FRMPD3: variants seen among roughly 807,000 people sequenced by gnomAD.
The protein encoded by FRMPD3 is FERM and PDZ domain-containing protein 3.
Under a neutral mutation model 97.9 loss-of-function variants are expected in FRMPD3, and 42 were observed. That is an observed-to-expected ratio of 0.43 (90% CI 0.34 to 0.55). The LOEUF is 0.55. FRMPD3 is among the 20% of genes least tolerant of loss of function. The pLI, the probability that FRMPD3 is intolerant of heterozygous loss-of-function variation, is 0.03. For synonymous variants in FRMPD3, 577 were observed against 581.1 expected, an observed-to-expected ratio of 0.99 and a Z score of 0.10; for missense variants, 1,303 against 1,457.7, an observed-to-expected ratio of 0.89 and a Z score of 1.73.
Position 107,511,938 on chromosome X carries a change from C to T in FRMPD3, c.-7-14644C>T, listed in dbSNP as rs138062477. Among the ~76,000 whole-genome samples the T allele has an allele frequency of 6.6e-3, 743 of 111,733 alleles. 6 individuals carry two copies. The highest frequency in any genetic ancestry group is 0.023 in the African/African-American group (712 of 30,792). On this transcript the variant is annotated intron_variant, in intron 1 of 14. Transcript: ENST00000683843. Reference sequence around the variant, plus strand: ...CACTGAGGGGAAGAATTCAGGCCTGCTGATCTTTTCCCTGCCAACTCCACT... The same window carrying T: ...CACTGAGGGGAAGAATTCAGGCCTGTTGATCTTTTCCCTGCCAACTCCACT...
At chrX:107,571,246 C>A (rs1309177050) in intron 12 of FRMPD3, among the ~76,000 whole-genome samples, 4 of 112,148 alleles carry the variant, frequency 3.6e-5, no homozygotes, top group Non-Finnish European at 7.5e-5. Flanking sequence ...TTACATTACA[C>A]GTCATGATCA....
Position 107,533,509 on chromosome X carries a change from G to A in FRMPD3, c.256G>A (p.Ala86Thr), listed in dbSNP as rs750260107. The A allele has an allele frequency of 4.1e-6, 5 of 1,207,213 alleles. No homozygotes were observed. The highest frequency in any genetic ancestry group is 1.8e-5 in the South Asian group (1 of 56,625). ...RERLIELIRS[A>T]KEFIVLTVLH... ...TATTCCCTCTTTTCTCTGTAGGAGCGCTAAGGAATTCATCGTTCTTACAGT... is the reference window on the plus strand; with the variant it reads ...TATTCCCTCTTTTCTCTGTAGGAGCACTAAGGAATTCATCGTTCTTACAGT... Residue 86 changes from alanine to threonine, a missense_variant, in exon 4 of 15, where the codon GCT becomes ACT. By Grantham distance (58) the Ala-to-Thr change is moderately conservative (BLOSUM62 0). This residue lies in a region of FRMPD3 where 535 missense variants were observed against 618.6 expected (regional missense o/e 0.86). Coordinates refer to ENST00000683843, the MANE Select transcript of FRMPD3 (RefSeq NM_001388459.1).
intron 5 of FRMPD3, among the ~76,000 whole-genome samples, chrX:107,548,062 C>G (rs1048878527): frequency 2.7e-5 from 3 of 111,488 alleles, no homozygotes; most frequent in Non-Finnish European, 5.6e-5. Context: ...TACCCCAACC[C>G]AGGAGGATTT....
chrX:107,530,649 T>C (rs1471586727), intron 3 of FRMPD3, 138 bp downstream of exon 3: 1 of 464,959 alleles, frequency 2.2e-6, no homozygotes, highest in Non-Finnish European at 3.7e-6. Context: ...GGCTCCTGGC[T>C]AACCCAGAAC....
intron 13 of FRMPD3, among the ~76,000 whole-genome samples, chrX:107,594,619 C>T (rs1188476082): frequency 4.4e-5 from 5 of 112,538 alleles, no homozygotes; most frequent in South Asian, 7.4e-4. Flanking sequence ...CGGTGGCTCA[C>T]GCCTATAATC....
At chrX:107,514,440 A>T (rs1431106336) in intron 1 of FRMPD3, among the ~76,000 whole-genome samples, 1 of 110,745 alleles carries the variant, frequency 9.0e-6, no homozygotes, top group Non-Finnish European at 1.9e-5. Context: ...CACAGGAGAG[A>T]TGATGGTGGC....
chrX:107,463,240 G>C (rs1931506681), intron 1 of FRMPD3, among the ~76,000 whole-genome samples: 1 of 112,598 alleles, frequency 8.9e-6, no homozygotes. Context: ...TTACCATTTT[G>C]TGTATTTCAT....
intron 13 of FRMPD3, among the ~76,000 whole-genome samples, chrX:107,597,092 TG>T (rs1435946760): frequency 9.0e-6 from 1 of 111,705 alleles, no homozygotes; most frequent in East Asian, 2.8e-4. Flanking sequence ...TCAGAGGTGA[TG>T]GGGCTATTAG....
intron 1 of FRMPD3, among the ~76,000 whole-genome samples, chrX:107,526,059 G>A (rs1602774234): frequency 9.0e-6 from 1 of 110,952 alleles, no homozygotes; most frequent in East Asian, 2.8e-4. Context: ...CTGGGTGACA[G>A]AGTGAGACTC....
At position 107,603,267 on chromosome X, in the gene FRMPD3, A is replaced by G. The variant is rs781343440; in HGVS notation, c.5228A>G (p.Gln1743Arg). 3.5e-5 allele frequency: 41 copies of G among 1,167,235 alleles called. No homozygotes were observed. In the South Asian group the frequency reaches 6.6e-4, roughly 19 times the overall value. The change falls in exon 15 of 15, where the codon CAG becomes CGG. Residue 1743 changes from glutamine to arginine, a missense_variant. Physicochemically the swap from Gln to Arg is conservative, Grantham distance 43. Coordinates refer to ENST00000683843, the MANE Select transcript of FRMPD3 (RefSeq NM_001388459.1). ...CAACAACAGCAGCAGCAGCAGCAGC[A>G]GGTGGCAGCAGCTGCAGGGGCAGCC... ...QQQQQQQQQQ[Q>R]VAAAAGAATE...
intron 1 of FRMPD3, among the ~76,000 whole-genome samples, chrX:107,514,675 G>A (rs1195639848): frequency 9.1e-6 from 1 of 109,655 alleles, no homozygotes; most frequent in Non-Finnish European, 1.9e-5. Flanking sequence ...ACAGGTGCGT[G>A]CCACCACGCT....
At chrX:107,528,079 T>C (rs763522740) in intron 2 of FRMPD3, among the ~76,000 whole-genome samples, 47 of 110,741 alleles carry the variant, frequency 4.2e-4, no homozygotes, top group Non-Finnish European at 7.0e-4. Flanking sequence ...GCCAAAGGTA[T>C]AACAATGAAG....
chrX:107,502,817 C>T (rs1162841115), intron 1 of FRMPD3, among the ~76,000 whole-genome samples: 1 of 112,599 alleles, frequency 8.9e-6, no homozygotes, highest in Non-Finnish European at 1.9e-5. Flanking sequence ...GGTGCACTGA[C>T]GAAGCAGTGT....
intron 1 of FRMPD3, among the ~76,000 whole-genome samples, chrX:107,514,159 G>A (rs1311988111): frequency 9.0e-6 from 1 of 111,588 alleles, no homozygotes; most frequent in Non-Finnish European, 1.9e-5. Flanking sequence ...ACTAAAAGGA[G>A]GCCAGGAGGG....
At chrX:107,575,425 G>A (rs5962853) in intron 12 of FRMPD3, among the ~76,000 whole-genome samples, 4,700 of 110,200 alleles carry the variant, frequency 0.043, 241 homozygotes, top group African/African-American at 0.15. Context: ...AGGACACAGG[G>A]AAATAAAGGA....
chrX:107,469,203 C>T (rs1356795078), intron 1 of FRMPD3, among the ~76,000 whole-genome samples: 1 of 111,795 alleles, frequency 8.9e-6, no homozygotes, highest in Admixed American at 9.5e-5. Flanking sequence ...CTGATAAAGG[C>T]ATACCTGAGA....
intron 5 of FRMPD3, among the ~76,000 whole-genome samples, chrX:107,546,442 G>T (rs1921604593): frequency 8.9e-6 from 1 of 112,121 alleles, no homozygotes; most frequent in African/African-American, 3.2e-5. Flanking sequence ...GGTTCAGATT[G>T]AGACAATACA....
intron 14 of FRMPD3, among the ~76,000 whole-genome samples, 160 bp from the exon 15 acceptor site, chrX:107,600,143 A>G (rs189775222): frequency 8.9e-6 from 1 of 111,741 alleles, no homozygotes; most frequent in African/African-American, 3.3e-5. Context: ...TTACATGCAA[A>G]TACTATGCCA....
At position 107,600,757 on chromosome X, in the gene FRMPD3, TAGGGCAGGCCTAGAAATGTCACTG is replaced by T. The variant is rs1319876442; in HGVS notation, c.2726_2749del (p.Gly909_Ala916del). 1 of 1,203,533 alleles carries T rather than the reference TAGGGCAGGCCTAGAAATGTCACTG, an allele frequency of 8.3e-7. No homozygotes were observed. The highest frequency in any genetic ancestry group is 1.1e-6 in the Non-Finnish European group (1 of 892,380). ...CTGAGGACAAAGGGCCTGGCCACAC[TAGGGCAGGCCTAGAAATGTCACTG>T]AGGGCAGCCACATCATCCCTCAGTG... On this transcript the variant is annotated inframe_deletion, in exon 15 of 15. Coordinates refer to ENST00000683843, the MANE Select transcript of FRMPD3 (RefSeq NM_001388459.1).
Sources: gnomAD v4.1 joint callset for allele counts (sites outside exome capture counted in the v4.1 genomes callset) on GRCh38, gnomAD v4.1.1 for gene constraint, gnomAD v4.1.1 regional missense constraint, MANE v1.5 for transcripts, NCBI Gene and HGNC (gene_info 2026-07-23, HGNC 2026-07-21) for gene names.